Variants in HOXD3 observed in about 807,000 individuals in gnomAD.
HOXD3 encodes the protein homeobox protein Hox-D3.
Under a neutral mutation model 32.8 loss-of-function variants are expected in HOXD3, and 13 were observed. That is an observed-to-expected ratio of 0.40 (90% CI 0.26 to 0.63). The LOEUF (loss-of-function observed/expected upper bound fraction) is 0.63, where lower values mean the gene tolerates loss of function less well. HOXD3 is among the 20% of genes least tolerant of loss of function. The probability of loss-of-function intolerance (pLI) is 0.44; values close to 1 mark genes in which losing one functional copy is unlikely to be tolerated. For missense variants in HOXD3, 504 were observed against 577.1 expected (o/e 0.87, Z 1.30); for synonymous variants, 241 against 246.8 (o/e 0.98, Z 0.22).
Position 176,171,864 on chromosome 2 carries a change from C to A in HOXD3, c.889C>A (p.Pro297Thr). The change falls in exon 4 of 4, where the codon CCC becomes ACC. Residue 297 changes from proline to threonine, a missense_variant. Transcript: ENST00000683222. ...PPVPGLAYDA[P>T]SPPAFAKSQP... The stretch of plus-strand genomic sequence containing the variant: ...AGTGCCCGGCCTGGCCTACGACGCG[C>A]CCTCGCCGCCTGCTTTCGCCAAATC... 1 of 1,600,804 alleles carries A rather than the reference C, an allele frequency of 6.2e-7. No individual in the cohort carries two copies. The highest frequency in any genetic ancestry group is 8.5e-7 in the Non-Finnish European group (1 of 1,174,160).
intron 2 of HOXD3, among the ~76,000 whole-genome samples, chr2:176,167,682 G>T (rs1447711631): frequency 7.5e-6 from 1 of 132,546 alleles, no homozygotes; most frequent in Non-Finnish European, 1.5e-5. Context: ...GGTGGGGGGA[G>T]ACCCTTTTTT....
chr2:176,158,560 G>A (rs1289598531), intron 1 of HOXD3, among the ~76,000 whole-genome samples: 1 of 152,124 alleles, frequency 6.6e-6, no homozygotes, highest in Non-Finnish European at 1.5e-5. Flanking sequence ...GCGCGTGGTG[G>A]TTGTTTTGGG....
In HOXD3 at chr2:176,169,393, G is replaced by A. The variant is rs34729309; in HGVS notation, c.279G>A (p.Pro93=). Residue 93 remains proline (P), a synonymous_variant, in exon 3 of 4, where the codon CCG becomes CCA. Coordinates refer to ENST00000683222, the MANE Select transcript of HOXD3 (RefSeq NM_006898.5). The part of the protein sequence containing the change: ...GAELNGSCMR[P]GTGNSQGGGG... The stretch of plus-strand genomic sequence containing the variant: ...AACTCAATGGCAGCTGCATGCGGCC[G>A]GGCACTGGGAACAGCCAGGGTGGGG... 22 of 1,613,548 alleles carry A rather than the reference G, an allele frequency of 1.4e-5. No homozygotes were observed. The Admixed American group carries it at 2.3e-4, about 17-fold the overall frequency.
upstream of HOXD3, among the ~76,000 whole-genome samples, chr2:176,155,097 G>A (rs1425140362): frequency 6.6e-6 from 1 of 152,120 alleles, no homozygotes; most frequent in Non-Finnish European, 1.5e-5. Flanking sequence ...CTAACATGGA[G>A]AGCAGTCTTT....
At chr2:176,168,503 G>T (rs1175567262) in intron 2 of HOXD3, among the ~76,000 whole-genome samples, 1 of 151,954 alleles carries the variant, frequency 6.6e-6, no homozygotes, top group Non-Finnish European at 1.5e-5. Flanking sequence ...AGAGGCGTAG[G>T]TTGCAGTAAG....
intron 3 of HOXD3, among the ~76,000 whole-genome samples, chr2:176,170,918 T>G (rs538932375): frequency 6.7e-6 from 1 of 149,134 alleles, no homozygotes; most frequent in East Asian, 1.9e-4. Context: ...TTTGTTTGTT[T>G]GGTTGGTTTT....
In HOXD3 at chr2:176,172,931, G is replaced by A. The variant is rs182114564; in HGVS notation, c.*657G>A. On this transcript the variant is annotated 3_prime_UTR_variant, in exon 4 of 4. Coordinates refer to ENST00000683222, the MANE Select transcript of HOXD3 (RefSeq NM_006898.5). ...GGCTGGTGTTTGTAGTTGACATAAAGGATTAAGACCGCAAATTGTCCTTCA... is the reference window on the plus strand; with the variant it reads ...GGCTGGTGTTTGTAGTTGACATAAAAGATTAAGACCGCAAATTGTCCTTCA... 2.0e-5 allele frequency: 3 copies of A among 152,810 alleles called. No individual in the cohort carries two copies. The East Asian group carries it at 5.8e-4, about 29-fold the overall frequency. 9.5% of individuals were successfully genotyped at this position (152,810 alleles called of 1,614,324 possible).
intron 1 of HOXD3, among the ~76,000 whole-genome samples, chr2:176,161,676 T>C (rs547829443): frequency 1.3e-5 from 2 of 152,234 alleles, no homozygotes; most frequent in Non-Finnish European, 2.9e-5. Flanking sequence ...AAAACGCTAC[T>C]GAGCTTTTCC....
intron 2 of HOXD3, chr2:176,165,249 T>C (rs541925238): frequency 2.0e-5 from 3 of 152,150 alleles, no homozygotes; most frequent in Non-Finnish European, 4.4e-5. Flanking sequence ...CAATGACAGG[T>C]GCATTGATAT....
chr2:176,158,922 A>G (rs1270779619), intron 1 of HOXD3, among the ~76,000 whole-genome samples: 1 of 150,420 alleles, frequency 6.6e-6, no homozygotes, highest in Non-Finnish European at 1.5e-5. Context: ...CCGGCAGCCA[A>G]CAGCCTCCCA....
chr2:176,172,269 C>T lies in HOXD3; in HGVS notation c.1294C>T (p.Leu432=), dbSNP rs572940906. 6.3e-7 allele frequency: 1 copy of T among 1,590,974 alleles called. No homozygotes were observed. Among genetic ancestry groups the T allele is most frequent in the Non-Finnish European group, 8.5e-7 (1 of 1,171,666 alleles). The change falls in exon 4 of 4, where the codon CTG becomes TTG. Residue 432 remains leucine (L), a synonymous_variant. Coordinates refer to ENST00000683222, the MANE Select transcript of HOXD3 (RefSeq NM_006898.5). ...GCCGGAGGCTCCCAAACTGACGCAT[C>T]TGTAGCGGCCGCCGCCAGCCCGAAC... ...RLPEAPKLTH[L]
chr2:176,164,276 A>C (rs1459867573), intron 2 of HOXD3, 108 bp downstream of exon 2: 1 of 152,250 alleles, frequency 6.6e-6, no homozygotes, highest in Non-Finnish European at 1.5e-5. Context: ...GGCAGCTTTG[A>C]AGTGGGTCAC....
rs778926436 is a variant in HOXD3 at position 176,172,123 on chromosome 2, C to A, written c.1148C>A (p.Ser383Ter). 3 of 1,613,106 alleles carry A rather than the reference C, an allele frequency of 1.9e-6. No homozygotes were observed. Among genetic ancestry groups the A allele is most frequent in the Non-Finnish European group, 8.5e-7 (1 of 1,179,994 alleles). Residue 383 changes from serine (S) to a stop codon, truncating the protein, a stop_gained, in exon 4 of 4, where the codon TCG (serine) becomes TAG (stop). Transcript: ENST00000683222. LOFTEE classifies it high-confidence loss of function. ...AACCTGGGCCACCTCTCGCACCCGT[C>A]GTCGGCCAGCGTGGACTACAGTTGC... ...VFNLGHLSHP[S>*]SASVDYSCAA...
Position 176,169,319 on chromosome 2 carries a change from T to C in HOXD3, c.205T>C (p.Ser69Pro), listed in dbSNP as rs754709473. ...LDTDYPGSAC[S>P]IQSSAPLRAP... The stretch of plus-strand genomic sequence containing the variant: ...CACTGACTATCCAGGTTCTGCCTGC[T>C]CCATCCAGAGCTCTGCCCCTCTGAG... Residue 69 changes from serine to proline, a missense_variant, in exon 3 of 4, where the codon TCC becomes CCC. Coordinates refer to ENST00000683222, the MANE Select transcript of HOXD3 (RefSeq NM_006898.5). 6 of 1,613,676 alleles carry C rather than the reference T, an allele frequency of 3.7e-6. No individual in the cohort carries two copies. In the African/African-American group the frequency reaches 8.0e-5, roughly 22 times the overall value.
At position 176,169,529 on chromosome 2, in the gene HOXD3, C is replaced by A; in HGVS notation, c.415C>A (p.Pro139Thr). The A allele has an allele frequency of 6.2e-7, 1 of 1,614,036 alleles. No individual in the cohort carries two copies. Among genetic ancestry groups the A allele is most frequent in the South Asian group, 1.1e-5 (1 of 91,072 alleles). The change falls in exon 3 of 4, where the codon CCT becomes ACT. Residue 139 changes from proline to threonine, a missense_variant. By Grantham distance (38) the Pro-to-Thr change is conservative. Coordinates refer to ENST00000683222, the MANE Select transcript of HOXD3 (RefSeq NM_006898.5). ...SSPTNPGGGV[P>T]AKKPKGGPNA... ...ACCCACCAATCCTGGAGGTGGAGTG[C>A]CTGCCAAGAAGCCCAAAGGTGGGCC...
rs1032424903 is a variant in HOXD3, at chr2:176,171,403, G to A, written c.542-114G>A. The A allele has an allele frequency of 3.0e-6, 3 of 996,578 alleles. No individual in the cohort carries two copies. In the African/African-American group the frequency reaches 4.9e-5, roughly 16 times the overall value. 61.7% of individuals were successfully genotyped at this position (996,578 alleles called of 1,614,324 possible). The stretch of plus-strand genomic sequence containing the variant: ...AAACGGCCCTTCCCCTCCCCAGCCA[G>A]GATTGGAGGTGGGGGGAGGGAGGAG... On this transcript the variant is annotated intron_variant, in intron 3 of 3. Coordinates refer to ENST00000683222, the MANE Select transcript of HOXD3 (RefSeq NM_006898.5).
chr2:176,156,992 A>G (rs1690657971), upstream of HOXD3, among the ~76,000 whole-genome samples: 1 of 152,102 alleles, frequency 6.6e-6, no homozygotes, highest in South Asian at 2.1e-4. Flanking sequence ...CCAATACATC[A>G]ATACCGTTGT....
intron 2 of HOXD3, among the ~76,000 whole-genome samples, 197 bp from the exon 3 acceptor site, chr2:176,168,834 A>G (rs1445886870): frequency 6.6e-6 from 1 of 152,210 alleles, no homozygotes; most frequent in Non-Finnish European, 1.5e-5. Flanking sequence ...TGTTCATGCC[A>G]CTGCACTCCA....
chr2:176,162,244 A>G (rs972754004), intron 1 of HOXD3, among the ~76,000 whole-genome samples: 2 of 152,240 alleles, frequency 1.3e-5, no homozygotes, highest in Admixed American at 6.5e-5. Context: ...CTGCCAGCTT[A>G]GTCAGCTGAA....
Sources: gnomAD v4.1 joint callset for allele counts (sites outside exome capture counted in the v4.1 genomes callset) on GRCh38, gnomAD v4.1.1 for gene constraint, MANE v1.5 for transcripts, NCBI Gene and HGNC (gene_info 2026-07-23, HGNC 2026-07-21) for gene names.